Variants in MME observed in about 807,000 individuals in gnomAD.
MME encodes membrane metalloendopeptidase, also known as neprilysin.
In MME, 98 loss-of-function variants were observed where a neutral mutation model predicts 113.2. The ratio of observed to expected loss-of-function variants is 0.87; its 90% CI spans 0.74 to 1.02. MME has a LOEUF of 1.02. Ranked by LOEUF, MME falls within the 50% of genes least tolerant of loss-of-function variation. MME has a pLI of 0.00. For missense variants in MME, 836 were observed against 896.0 expected, an observed-to-expected ratio of 0.93 and a Z score of 0.86; for synonymous variants, 292 against 300.6, an observed-to-expected ratio of 0.97 and a Z score of 0.30.
At chr3:155,037,212 G>A (rs1470043243) in intron 1 of MME, among the ~76,000 whole-genome samples, 1 of 152,110 alleles carries the variant, frequency 6.6e-6, no homozygotes, top group Admixed American at 6.6e-5. Flanking sequence ...ACCATCCATT[G>A]ATTGTCTTCT....
At chr3:155,155,889 T>C (rs1361142584) in intron 16 of MME, among the ~76,000 whole-genome samples, 1 of 152,140 alleles carries the variant, frequency 6.6e-6, no homozygotes, top group Non-Finnish European at 1.5e-5. Context: ...ACTAAAAAGA[T>C]TGTGCCTTGT....
At chr3:155,064,575 AG>A (rs1370711859) in intron 1 of MME, among the ~76,000 whole-genome samples, 1 of 152,198 alleles carries the variant, frequency 6.6e-6, no homozygotes, top group Admixed American at 6.5e-5. Context: ...CATTGTATTT[AG>A]GTAACTCAAT....
At chr3:155,035,813 AAG>A (rs1362691898) in intron 1 of MME, among the ~76,000 whole-genome samples, 2 of 152,188 alleles carry the variant, frequency 1.3e-5, no homozygotes, top group Non-Finnish European at 2.9e-5. Flanking sequence ...TGGCCATTGT[AAG>A]AGAGGTGTCT....
chr3:155,132,865 C>T (rs1024158848), intron 8 of MME, among the ~76,000 whole-genome samples: 1 of 151,050 alleles, frequency 6.6e-6, no homozygotes, highest in Non-Finnish European at 1.5e-5. Context: ...ACCAGCCTGA[C>T]CAACGTAGTG....
At chr3:155,153,219 G>C (rs536525972) in intron 16 of MME, among the ~76,000 whole-genome samples, 1 of 152,108 alleles carries the variant, frequency 6.6e-6, no homozygotes, top group African/African-American at 2.4e-5. Context: ...TAGAGACGGG[G>C]CTTCACCATG....
chr3:155,153,043 T>A (rs1250197071), intron 16 of MME, among the ~76,000 whole-genome samples: 1 of 151,854 alleles, frequency 6.6e-6, no homozygotes, highest in Non-Finnish European at 1.5e-5. Context: ...ATTTACTTTT[T>A]TTTTTTTTTT....
chr3:155,138,961 C>T (rs921531812), intron 9 of MME, among the ~76,000 whole-genome samples: 11 of 152,028 alleles, frequency 7.2e-5, no homozygotes, highest in East Asian at 1.9e-4. Flanking sequence ...TCATTGCAAA[C>T]GACAACCTGC....
intron 1 of MME, among the ~76,000 whole-genome samples, chr3:155,083,111 A>C (rs1715308307): frequency 6.6e-6 from 1 of 152,184 alleles, no homozygotes; most frequent in Non-Finnish European, 1.5e-5. Context: ...GAAATTTAAT[A>C]TTTAGGCTTA....
At chr3:155,101,107 C>T (rs140755495) in intron 3 of MME, among the ~76,000 whole-genome samples, 1 of 152,232 alleles carries the variant, frequency 6.6e-6, no homozygotes, top group African/African-American at 2.4e-5. Context: ...TCCTCCCGTT[C>T]TTGCCACGTG....
intron 1 of MME, among the ~76,000 whole-genome samples, chr3:155,031,591 A>C (rs1342311206): frequency 6.6e-6 from 1 of 152,238 alleles, no homozygotes; most frequent in Middle Eastern, 3.2e-3. Flanking sequence ...TCTAAGTACC[A>C]TTGAAAAATA....
chr3:155,143,330 A>G (rs1035187257), intron 12 of MME, 113 bp from the exon 13 acceptor site: 4 of 1,212,204 alleles, frequency 3.3e-6, no homozygotes, highest in Non-Finnish European at 4.8e-6. Flanking sequence ...CCTTGTGAGG[A>G]GAAGTGATGA....
intron 1 of MME, among the ~76,000 whole-genome samples, chr3:155,061,610 A>G (rs1437745856): frequency 2.0e-5 from 3 of 151,872 alleles, no homozygotes; most frequent in African/African-American, 7.3e-5. Flanking sequence ...GTGACTTTGT[A>G]TAACTCAACC....
At chr3:155,063,668 ATATATTATATTATAT>A (rs59175839) in intron 1 of MME, among the ~76,000 whole-genome samples, 1,852 of 111,370 alleles carry the variant, frequency 0.017, 20 homozygotes, top group Non-Finnish European at 0.021. Flanking sequence ...ATAACATATT[ATATATTATATTATAT>A]TATATTATAT....
At chr3:155,072,167 C>CAAAAA (rs71155031) in intron 1 of MME, among the ~76,000 whole-genome samples, 1,254 of 65,020 alleles carry the variant, frequency 0.019, 68 homozygotes, top group South Asian at 0.041. Context: ...GACTCCGTCT[C>CAAAAA]AAAAAAAAAA....
intron 17 of MME, among the ~76,000 whole-genome samples, chr3:155,164,055 G>A (rs139369555): frequency 6.6e-6 from 1 of 150,676 alleles, no homozygotes; most frequent in African/African-American, 2.4e-5. Context: ...GAGGTGGGAG[G>A]ATTTCCTGAG....
Position 155,180,760 on chromosome 3 carries a change from C to A in MME, c.*301C>A. The A allele has an allele frequency of 3.0e-6, 1 of 334,334 alleles. No homozygotes were observed. The highest frequency in any genetic ancestry group is 5.7e-6 in the Non-Finnish European group (1 of 173,940). The allele number at this position is 334,334 out of a possible 1,614,324, so 20.7% of individuals were successfully genotyped here. ...TATGGTCTACCAGTTTGCTGATGTC[C>A]CTAGAAAACAATGCAAAACCTTTGA... On this transcript the variant is annotated 3_prime_UTR_variant, in exon 23 of 23. Transcript: ENST00000360490.
intron 4 of MME, 76 bp downstream of exon 4, chr3:155,115,231 CATTACAAGGAATG>C (rs1718502668): frequency 6.5e-7 from 1 of 1,538,394 alleles, no homozygotes; most frequent in African/African-American, 1.4e-5. Flanking sequence ...AATTGTTAGC[CATTACAAGGAATG>C]TCACAGAAGA....
intron 13 of MME, among the ~76,000 whole-genome samples, 179 bp downstream of exon 13, chr3:155,143,750 C>A (rs1721302578): frequency 6.6e-6 from 1 of 152,144 alleles, no homozygotes; most frequent in East Asian, 1.9e-4. Context: ...CCCCAAGAGT[C>A]TAGTTATGTT....
At chr3:155,097,075 A>C (rs1716802690) in intron 3 of MME, among the ~76,000 whole-genome samples, 1 of 152,224 alleles carries the variant, frequency 6.6e-6, no homozygotes, top group Admixed American at 6.5e-5. Flanking sequence ...GTGATAAGTC[A>C]GCTGTTCACC....
Sources: gnomAD v4.1 joint callset for allele counts (sites outside exome capture counted in the v4.1 genomes callset) on GRCh38, gnomAD v4.1.1 for gene constraint, MANE v1.5 for transcripts, NCBI Gene and HGNC (gene_info 2026-07-23, HGNC 2026-07-21) for gene names.